GALNT13: variants seen among roughly 807,000 people sequenced by gnomAD.
GALNT13 encodes the protein polypeptide N-acetylgalactosaminyltransferase 13.
In GALNT13, 28 loss-of-function variants were observed where a neutral mutation model predicts 64.2. The ratio of observed to expected loss-of-function variants is 0.44; its 90% confidence interval spans 0.32 to 0.60. The LOEUF is 0.60. Among genes scored for constraint, GALNT13 ranks in the 20% least tolerant of loss-of-function variants. The pLI, the probability that GALNT13 is intolerant of heterozygous loss-of-function variation, is 0.05. For missense variants in GALNT13, 577 were observed against 669.8 expected (o/e 0.86, Z 1.53); for synonymous variants, 214 against 224.6 (o/e 0.95, Z 0.42).
At position 154,140,283 on chromosome 2, in the gene GALNT13, C is replaced by T. The variant is rs529150505; in HGVS notation, c.143-54C>T. ...AATCAGACACACAAGTTTATTTATT[C>T]AGTTCATTATCTGTGTGTTTGTATG... is the stretch of plus-strand genomic sequence containing the variant. On this transcript the variant is annotated intron_variant, in intron 3 of 12. Transcript: ENST00000392825. 10 of 1,283,466 alleles carry T rather than the reference C, an allele frequency of 7.8e-6. No homozygotes were observed. The Admixed American group carries it at 8.0e-5, about 10-fold the overall frequency. The allele number at this position is 1,283,466 out of a possible 1,614,324, so 79.5% of individuals were successfully genotyped here.
intron 3 of GALNT13, among the ~76,000 whole-genome samples, chr2:154,135,483 TA>T (rs1319690443): frequency 6.6e-6 from 1 of 152,218 alleles, no homozygotes; most frequent in Non-Finnish European, 1.5e-5. Flanking sequence ...GTCAGATTTA[TA>T]AAAGTTGTAT....
the GALNT13 span, among the ~76,000 whole-genome samples, chr2:153,189,410 G>T: frequency 6.6e-6 from 1 of 152,022 alleles, no homozygotes; most frequent in Non-Finnish European, 1.5e-5. Flanking sequence ...TTTTTTTGCA[G>T]TATATTCATG....
At chr2:153,824,846 T>A in the GALNT13 span, among the ~76,000 whole-genome samples, 2 of 152,132 alleles carry the variant, frequency 1.3e-5, no homozygotes, top group African/African-American at 4.8e-5. Flanking sequence ...TCTCTGTCCC[T>A]CCTGCTCCAG....
At chr2:153,135,726 A>G in the GALNT13 span, among the ~76,000 whole-genome samples, 1 of 152,110 alleles carries the variant, frequency 6.6e-6, no homozygotes, top group African/African-American at 2.4e-5. Context: ...AGGTTCAAAT[A>G]TTATAACCCA....
chr2:153,371,068 A>C, the GALNT13 span: 1 of 205,892 alleles, frequency 4.9e-6, no homozygotes, highest in African/African-American at 2.3e-5. Context: ...GATTATTAAA[A>C]CTGAGTCCAG....
intron 4 of GALNT13, among the ~76,000 whole-genome samples, chr2:154,148,758 G>C (rs62171187): frequency 6.6e-5 from 10 of 152,100 alleles, no homozygotes; most frequent in African/African-American, 9.7e-5. Context: ...CCTTCGCCCA[G>C]TTTTTGATGG....
intron 3 of GALNT13, among the ~76,000 whole-genome samples, chr2:154,079,017 G>T (rs575523193): frequency 6.6e-6 from 1 of 151,720 alleles, no homozygotes; most frequent in Non-Finnish European, 1.5e-5. Context: ...ATCATTTCAA[G>T]ATAATTTCCT....
At chr2:154,349,126 T>G (rs1279549864) in intron 9 of GALNT13, among the ~76,000 whole-genome samples, 1 of 152,182 alleles carries the variant, frequency 6.6e-6, no homozygotes, top group Non-Finnish European at 1.5e-5. Context: ...TCTCCACAAA[T>G]GTCCACATGA....
At chr2:154,184,606 G>T (rs1237038927) in intron 4 of GALNT13, among the ~76,000 whole-genome samples, 2 of 151,958 alleles carry the variant, frequency 1.3e-5, no homozygotes, top group Non-Finnish European at 2.9e-5. Flanking sequence ...AATACCTGAG[G>T]CTGGGTAATT....
intron 9 of GALNT13, among the ~76,000 whole-genome samples, chr2:154,390,340 G>C (rs866815087): frequency 2.0e-5 from 3 of 152,110 alleles, no homozygotes; most frequent in African/African-American, 4.8e-5. Flanking sequence ...ATTAACCCTA[G>C]TACCCATTAG....
the GALNT13 span, among the ~76,000 whole-genome samples, chr2:153,089,305 G>A: frequency 6.6e-6 from 1 of 152,156 alleles, no homozygotes; most frequent in Admixed American, 6.6e-5. Flanking sequence ...TGGGACCCCA[G>A]TCCCTTCTGG....
intron 3 of GALNT13, among the ~76,000 whole-genome samples, chr2:154,130,903 C>T (rs976561561): frequency 1.3e-5 from 2 of 152,084 alleles, no homozygotes; most frequent in Non-Finnish European, 2.9e-5. Flanking sequence ...TTGAGATGTC[C>T]TCTTCCAAAG....
intron 3 of GALNT13, among the ~76,000 whole-genome samples, chr2:154,138,620 C>T (rs1310944842): frequency 4.0e-5 from 6 of 149,582 alleles, no homozygotes; most frequent in Non-Finnish European, 4.4e-5. Flanking sequence ...TTAATAGGAG[C>T]GCCCATGTCA....
the GALNT13 span, among the ~76,000 whole-genome samples, chr2:153,120,288 C>T: frequency 6.6e-6 from 1 of 152,158 alleles, no homozygotes; most frequent in African/African-American, 2.4e-5. Context: ...AGATTCTTTT[C>T]AGTATGAAGG....
intron 9 of GALNT13, among the ~76,000 whole-genome samples, chr2:154,367,649 G>A (rs1303558435): frequency 2.0e-5 from 3 of 151,990 alleles, no homozygotes; most frequent in East Asian, 3.8e-4. Flanking sequence ...GGTTCCTATT[G>A]CAAACAAGAA....
At chr2:154,159,818 T>C (rs1191751780) in intron 4 of GALNT13, among the ~76,000 whole-genome samples, 1 of 152,202 alleles carries the variant, frequency 6.6e-6, no homozygotes, top group African/African-American at 2.4e-5. Flanking sequence ...AATTTAATGA[T>C]AGCTAAGAGA....
At chr2:154,351,397 G>C (rs1696390402) in intron 9 of GALNT13, among the ~76,000 whole-genome samples, 1 of 151,908 alleles carries the variant, frequency 6.6e-6, no homozygotes, top group South Asian at 2.1e-4. Flanking sequence ...ATAGACCAGA[G>C]CTCTGGCCGG....
At chr2:153,166,109 A>G in the GALNT13 span, among the ~76,000 whole-genome samples, 7 of 152,250 alleles carry the variant, frequency 4.6e-5, no homozygotes, top group East Asian at 1.4e-3. Flanking sequence ...AAGATTCCCA[A>G]AGATTCCCCA....
the GALNT13 span, among the ~76,000 whole-genome samples, chr2:153,850,812 T>C: frequency 6.6e-6 from 1 of 152,242 alleles, no homozygotes; most frequent in South Asian, 2.1e-4. Flanking sequence ...ATTAGTTAAG[T>C]TGAAGAATAG....
Sources: gnomAD v4.1 joint callset for allele counts (sites outside exome capture counted in the v4.1 genomes callset) on GRCh38, gnomAD v4.1.1 for gene constraint, MANE v1.5 for transcripts, NCBI Gene and HGNC (gene_info 2026-07-23, HGNC 2026-07-21) for gene names.